The following CFAP96 variants were observed in gnomAD, a reference collection of about 807,000 sequenced individuals.
CFAP96 encodes cilia and flagella associated protein 96.
chr4:185,444,875 C>T, the CFAP96 span: 13 of 1,269,244 alleles, frequency 1.0e-5, no homozygotes, highest in Non-Finnish European at 1.4e-5. Context: ...ACTCCACAGA[C>T]TACAAAAATA....
chr4:185,408,443 C>T, the CFAP96 span: 5 of 1,611,680 alleles, frequency 3.1e-6, no homozygotes, highest in South Asian at 2.2e-5. Flanking sequence ...AATCTATATA[C>T]AGAGAAGAAA....
chr4:185,425,267 G>A, the CFAP96 span, among the ~76,000 whole-genome samples: 1 of 152,112 alleles, frequency 6.6e-6, no homozygotes, highest in African/African-American at 2.4e-5. Context: ...GCAGGTGTGG[G>A]CTGTGGGGAA....
the CFAP96 span, chr4:185,415,572 T>C: frequency 1.2e-6 from 1 of 863,576 alleles, no homozygotes; most frequent in Non-Finnish European, 1.7e-6. Flanking sequence ...CAAATAACCA[T>C]TTAATTAATA....
the CFAP96 span, chr4:185,449,520 C>CT: frequency 4.9e-6 from 4 of 821,132 alleles, no homozygotes; most frequent in Non-Finnish European, 7.4e-6. Context: ...GAGACCCGGT[C>CT]TTAAAAAAAA....
chr4:185,440,052 G>GTTATATACGTATCTC, the CFAP96 span, among the ~76,000 whole-genome samples: 1 of 148,890 alleles, frequency 6.7e-6, no homozygotes, highest in South Asian at 2.1e-4. Context: ...TTATAAAAAT[G>GTTATATACGTATCTC]TTATATACGT....
the CFAP96 span, among the ~76,000 whole-genome samples, chr4:185,436,510 G>C: frequency 1.3e-5 from 2 of 151,962 alleles, no homozygotes; most frequent in African/African-American, 4.8e-5. Flanking sequence ...AGGAGTTCGA[G>C]ACCAGCCTGA....
the CFAP96 span, chr4:185,436,409 C>A: frequency 1.5e-6 from 2 of 1,326,398 alleles, no homozygotes; most frequent in South Asian, 2.5e-5. Flanking sequence ...TTAGCTAACT[C>A]GATATTAATA....
the CFAP96 span, among the ~76,000 whole-genome samples, chr4:185,437,148 G>T: frequency 6.6e-6 from 1 of 152,212 alleles, no homozygotes; most frequent in Non-Finnish European, 1.5e-5. Context: ...GTGGAGGTGA[G>T]AGAATGGATG....
At chr4:185,409,980 T>TA in the CFAP96 span, among the ~76,000 whole-genome samples, 1 of 152,216 alleles carries the variant, frequency 6.6e-6, no homozygotes, top group African/African-American at 2.4e-5. Flanking sequence ...AGCCCAGTGA[T>TA]ACTACTTTCA....
the CFAP96 span, among the ~76,000 whole-genome samples, chr4:185,440,985 CTT>C: frequency 4.7e-5 from 7 of 149,978 alleles, no homozygotes; most frequent in Non-Finnish European, 8.9e-5. Flanking sequence ...GAGTCTCACT[CTT>C]TGCCCGGGCT....
At chr4:185,411,119 G>GC in the CFAP96 span, among the ~76,000 whole-genome samples, 4 of 147,602 alleles carry the variant, frequency 2.7e-5, no homozygotes, top group African/African-American at 7.4e-5. Flanking sequence ...AAAGCCAAAA[G>GC]TTTTTTTTTT....
the CFAP96 span, among the ~76,000 whole-genome samples, chr4:185,426,918 G>A: frequency 2.3e-3 from 334 of 144,038 alleles, no homozygotes; most frequent in African/African-American, 8.3e-3. Context: ...AAAAAAAATA[G>A]CCGGGCATGG....
the CFAP96 span, among the ~76,000 whole-genome samples, chr4:185,429,930 C>T: frequency 5.9e-5 from 9 of 152,118 alleles, no homozygotes; most frequent in East Asian, 5.8e-4. Flanking sequence ...CTCAGCGTGC[C>T]GTAGTGCTGG....
At chr4:185,409,742 T>A in the CFAP96 span, among the ~76,000 whole-genome samples, 2 of 152,236 alleles carry the variant, frequency 1.3e-5, no homozygotes, top group Admixed American at 6.5e-5. Context: ...TAGACGTGAT[T>A]AAGGATCTTA....
chr4:185,420,686 T>C, the CFAP96 span, among the ~76,000 whole-genome samples: 9 of 152,196 alleles, frequency 5.9e-5, no homozygotes. Context: ...CTTCTGTTTA[T>C]CCCTAAAGGA....
chr4:185,409,031 A>T, the CFAP96 span, among the ~76,000 whole-genome samples: 1 of 152,198 alleles, frequency 6.6e-6, no homozygotes, highest in African/African-American at 2.4e-5. Flanking sequence ...GAGCTCAGTG[A>T]GTACATACAC....
chr4:185,439,747 C>T, the CFAP96 span, among the ~76,000 whole-genome samples: 1 of 148,306 alleles, frequency 6.7e-6, no homozygotes, highest in South Asian at 2.1e-4. Flanking sequence ...ATAATATATA[C>T]ATATCTCATA....
At chr4:185,445,035 G>A in the CFAP96 span, 1 of 1,551,456 alleles carries the variant, frequency 6.4e-7, no homozygotes. Context: ...TGGCTAAATT[G>A]GCAAATATTT....
the CFAP96 span, chr4:185,413,725 C>G: frequency 6.2e-7 from 1 of 1,606,756 alleles, no homozygotes; most frequent in South Asian, 1.1e-5. Context: ...GTTAAACTCA[C>G]CATACCAGTC....
Sources: allele counts gnomAD v4.1 joint callset (sites outside exome capture counted in the v4.1 genomes callset), GRCh38; gene constraint gnomAD v4.1.1; transcripts MANE v1.5; gene names NCBI Gene and HGNC (gene_info 2026-07-23, HGNC 2026-07-21).